The following SLC35F3 variants were observed in gnomAD, a reference collection of about 807,000 sequenced individuals.
SLC35F3 encodes the protein putative thiamine transporter SLC35F3.
A neutral mutation model predicts 49.9 loss-of-function variants in SLC35F3; 25 were observed. The ratio of observed to expected loss-of-function variants is 0.50; its 90% confidence interval spans 0.37 to 0.70. SLC35F3 has a LOEUF of 0.70. SLC35F3 is among the 30% of genes least tolerant of loss of function. The pLI is 0.00. For synonymous variants in SLC35F3, 275 were observed against 265.4 expected (o/e 1.04, Z -0.35); for missense variants, 525 against 639.8 (o/e 0.82, Z 1.94).
intron 2 of SLC35F3, among the ~76,000 whole-genome samples, chr1:233,909,925 C>T (rs1661847433): frequency 6.6e-6 from 1 of 152,248 alleles, no homozygotes; most frequent in Admixed American, 6.5e-5. Context: ...ATTCCTGACC[C>T]TCTCCTTCCT....
chr1:234,248,821 A>C (rs1667687884), intron 3 of SLC35F3, among the ~76,000 whole-genome samples: 1 of 152,164 alleles, frequency 6.6e-6, no homozygotes, highest in East Asian at 1.9e-4. Flanking sequence ...TAGGTGACCA[A>C]GGTGTCTTCC....
At chr1:233,994,598 A>C (rs1663428587) in intron 2 of SLC35F3, among the ~76,000 whole-genome samples, 1 of 152,170 alleles carries the variant, frequency 6.6e-6, no homozygotes, top group Admixed American at 6.5e-5. Context: ...GCTCAGCCCA[A>C]GGGAGTTAAT....
At chr1:234,157,115 T>G (rs7546621) in intron 2 of SLC35F3, among the ~76,000 whole-genome samples, 1 of 152,088 alleles carries the variant, frequency 6.6e-6, no homozygotes, top group Non-Finnish European at 1.5e-5. Flanking sequence ...TTGTATAGTA[T>G]GTATCTTATA....
chr1:234,230,260 T>C (rs1424309241), intron 2 of SLC35F3, among the ~76,000 whole-genome samples: 2 of 152,234 alleles, frequency 1.3e-5, no homozygotes, highest in Non-Finnish European at 2.9e-5. Flanking sequence ...TAGATTACAT[T>C]GAATCACAAT....
At chr1:233,963,173 G>A (rs1662832993) in intron 2 of SLC35F3, among the ~76,000 whole-genome samples, 1 of 152,050 alleles carries the variant, frequency 6.6e-6, no homozygotes, top group Admixed American at 6.5e-5. Flanking sequence ...TAAGTGATAG[G>A]TCACTGTCAA....
chr1:234,277,056 G>T (rs1668224197), intron 3 of SLC35F3, among the ~76,000 whole-genome samples: 1 of 152,210 alleles, frequency 6.6e-6, no homozygotes, highest in African/African-American at 2.4e-5. Context: ...TTTCTCAATT[G>T]TTTAAGAGGA....
intron 2 of SLC35F3, among the ~76,000 whole-genome samples, chr1:233,965,389 G>C (rs1183309729): frequency 6.6e-6 from 1 of 152,108 alleles, no homozygotes; most frequent in Non-Finnish European, 1.5e-5. Context: ...CCTTCCCCTT[G>C]AGTATGGGCA....
intron 3 of SLC35F3, among the ~76,000 whole-genome samples, chr1:234,253,851 T>C (rs1667777356): frequency 1.3e-5 from 2 of 152,128 alleles, no homozygotes; most frequent in African/African-American, 4.8e-5. Context: ...TTTTCAGTCA[T>C]TGTGAGGGAG....
At chr1:234,259,038 C>T (rs868735193) in intron 3 of SLC35F3, among the ~76,000 whole-genome samples, 14 of 152,306 alleles carry the variant, frequency 9.2e-5, no homozygotes, top group East Asian at 1.9e-4. Context: ...GTAAAAACCA[C>T]TTCTTATGAA....
At chr1:234,304,352 A>G (rs1668744995) in intron 3 of SLC35F3, among the ~76,000 whole-genome samples, 1 of 152,064 alleles carries the variant, frequency 6.6e-6, no homozygotes, top group Non-Finnish European at 1.5e-5. Flanking sequence ...TAGTAGAGGC[A>G]GGGTTTCACC....
chr1:234,177,142 T>G (rs1666488467), intron 2 of SLC35F3, among the ~76,000 whole-genome samples: 1 of 152,128 alleles, frequency 6.6e-6, no homozygotes, highest in Admixed American at 6.5e-5. Context: ...CTGATGGTTT[T>G]AAAAATGGGA....
intron 2 of SLC35F3, among the ~76,000 whole-genome samples, chr1:234,102,774 G>A (rs575128412): frequency 2.6e-5 from 4 of 152,136 alleles, no homozygotes; most frequent in East Asian, 3.9e-4. Flanking sequence ...AGCAGCTGCC[G>A]GCTTTCCACG....
chr1:233,998,004 G>A (rs1289460474), intron 2 of SLC35F3, among the ~76,000 whole-genome samples: 3 of 151,988 alleles, frequency 2.0e-5, no homozygotes, highest in South Asian at 2.1e-4. Context: ...CACCCACCTC[G>A]GCCTCCCAAA....
At chr1:233,986,075 A>G (rs1043414516) in intron 2 of SLC35F3, among the ~76,000 whole-genome samples, 1 of 152,228 alleles carries the variant, frequency 6.6e-6, no homozygotes, top group Non-Finnish European at 1.5e-5. Context: ...TATTATAACA[A>G]TAGCACTTAG....
At chr1:234,105,663 G>A (rs896758197) in intron 2 of SLC35F3, among the ~76,000 whole-genome samples, 1 of 152,172 alleles carries the variant, frequency 6.6e-6, no homozygotes, top group Non-Finnish European at 1.5e-5. Context: ...TCATTGGGTT[G>A]TCTCTTTTCC....
At chr1:234,232,714 A>G (rs1370558643) in intron 3 of SLC35F3, among the ~76,000 whole-genome samples, 1 of 149,796 alleles carries the variant, frequency 6.7e-6, no homozygotes, top group African/African-American at 2.4e-5. Context: ...ACATAACCCC[A>G]TAAGATTGCT....
intron 2 of SLC35F3, among the ~76,000 whole-genome samples, chr1:234,014,293 A>G (rs964360315): frequency 6.6e-6 from 1 of 152,242 alleles, no homozygotes; most frequent in Admixed American, 6.5e-5. Flanking sequence ...AACATTTTTT[A>G]TAATGAAACT....
chr1:234,150,499 C>A lies in SLC35F3; in HGVS notation c.284-80918C>A, dbSNP rs149868251. Among the ~76,000 whole-genome samples, 539 of 152,308 alleles carry A rather than the reference C, an allele frequency of 3.5e-3. 5 individuals carry two copies. Among genetic ancestry groups the A allele is most frequent in the South Asian group, 0.016 (78 of 4,818 alleles). On this transcript the variant is annotated intron_variant, in intron 2 of 7. Coordinates refer to ENST00000366618, the MANE Select transcript of SLC35F3 (RefSeq NM_173508.4). The stretch of plus-strand genomic sequence containing the variant: ...ATATTTAAGTAATCTCCATGTAATG[C>A]TAACATTTTTAAAAAATGTTTGTTC...
chr1:233,957,985 C>T lies in SLC35F3; in HGVS notation c.283+52227C>T, dbSNP rs568325270. Reference sequence around the variant, plus strand: ...CTTAACTAGGACTTGATGACTAGACCGCTTTTCCAAATGTTAGGACTTTTC... The same window carrying T: ...CTTAACTAGGACTTGATGACTAGACTGCTTTTCCAAATGTTAGGACTTTTC... On this transcript the variant is annotated intron_variant, in intron 2 of 7. Coordinates refer to ENST00000366618, the MANE Select transcript of SLC35F3 (RefSeq NM_173508.4). The surrounding 1 kb of genome is among the most constrained non-coding windows in gnomAD (Gnocchi z 4.0). Among the ~76,000 whole-genome samples the T allele has an allele frequency of 2.6e-5, 4 of 152,214 alleles. No homozygotes were observed. The highest frequency in any genetic ancestry group is 9.6e-5 in the African/African-American group (4 of 41,526).
Sources: gnomAD v4.1 joint callset for allele counts (sites outside exome capture counted in the v4.1 genomes callset) on GRCh38, gnomAD v4.1.1 for gene constraint, Gnocchi (gnomAD v3.1) non-coding constraint, MANE v1.5 for transcripts, NCBI Gene and HGNC (gene_info 2026-07-23, HGNC 2026-07-21) for gene names.